LCN12: variants seen among roughly 807,000 people sequenced by gnomAD.
LCN12 encodes the protein epididymal-specific lipocalin-12.
Under a neutral mutation model 23.7 loss-of-function variants are expected in LCN12, and 15 were observed. The observed-to-expected ratio is 0.63, with a 90% CI of 0.42 to 0.97. LCN12 has a LOEUF of 0.97. Among genes scored for constraint, LCN12 ranks in the 50% least tolerant of loss-of-function variants. LCN12 has a pLI of 0.00. For synonymous variants in LCN12, 116 were observed against 111.5 expected (o/e 1.04, Z -0.25); for missense variants, 219 against 249.6 (o/e 0.88, Z 0.83).
At chr9:136,954,783 C>T (rs1442305898) in intron 5 of LCN12, 1 of 1,290,750 alleles carries the variant, frequency 7.7e-7, no homozygotes. Flanking sequence ...ACCACTCAGA[C>T]AGCCGCGGCC....
At chr9:136,955,028 A>G in intron 5 of LCN12, 3 of 1,383,416 alleles carry the variant, frequency 2.2e-6, no homozygotes, top group Non-Finnish European at 2.8e-6. Flanking sequence ...CTACCCGTGC[A>G]CAGGCACACG....
chr9:136,951,652 TA>T (rs1851154291), upstream of LCN12, among the ~76,000 whole-genome samples: 1 of 152,212 alleles, frequency 6.6e-6, no homozygotes, highest in African/African-American at 2.4e-5. Context: ...AGACTGCGTT[TA>T]AAATGCCCCA....
Position 136,953,041 on chromosome 9 carries a change from C to T in LCN12, c.251+13C>T. 6.2e-7 allele frequency: 1 copy of T among 1,613,306 alleles called. No individual in the cohort carries two copies. The highest frequency in any genetic ancestry group is 8.5e-7 in the Non-Finnish European group (1 of 1,179,854). ...ATGCGATGACTCGGTGAGTGGCTGT[C>T]CCTGCCGTTCCAAGCGGGTGAGGAG... On this transcript the variant is annotated intron_variant, in intron 2 of 5. Transcript: ENST00000371633.
upstream of LCN12, chr9:136,951,446 AGTCTC>A (rs1851149404): frequency 6.6e-6 from 1 of 152,190 alleles, no homozygotes; most frequent in African/African-American, 2.4e-5. Flanking sequence ...GTAGAGATGG[AGTCTC>A]GCTATGTTGT....
At chr9:136,953,987 G>A in intron 4 of LCN12, 23 bp downstream of exon 4, 1 of 1,603,676 alleles carries the variant, frequency 6.2e-7, no homozygotes, top group Non-Finnish European at 8.5e-7. Flanking sequence ...CCCCGTCCTG[G>A]GCCCGTGTGT....
chr9:136,952,781 C>A, intron 1 of LCN12, 111 bp from the exon 2 acceptor site: 2 of 1,301,838 alleles, frequency 1.5e-6, no homozygotes, highest in Non-Finnish European at 2.1e-6. Flanking sequence ...CAGCCAGGAG[C>A]ACTGCTCTGT....
upstream of LCN12, among the ~76,000 whole-genome samples, chr9:136,950,201 C>A (rs927482533): frequency 1.3e-5 from 2 of 152,208 alleles, no homozygotes; most frequent in Non-Finnish European, 2.9e-5. Flanking sequence ...GTCTGCCCCG[C>A]GGTGGGGGGA....
At chr9:136,953,358 GCACTTT>G in intron 2 of LCN12, 1 of 94,508 alleles carries the variant, frequency 1.1e-5, no homozygotes, top group Non-Finnish European at 1.9e-5. Flanking sequence ...TGTAATCCTA[GCACTTT>G]GGGGGCCGGG....
Position 136,954,269 on chromosome 9 carries a change from C to CCTGCAGGCATG in LCN12, c.550+18_550+28dup. 1.3e-6 allele frequency: 2 copies of CCTGCAGGCATG among 1,558,168 alleles called. No individual in the cohort carries two copies. The highest frequency in any genetic ancestry group is 1.7e-6 in the Non-Finnish European group (2 of 1,150,634). On this transcript the variant is annotated intron_variant, in intron 5 of 5. Transcript: ENST00000371633. Reference sequence around the variant, plus strand: ...CAGATGTGACTGGTAACATGGTTCACCTGCAGGCATGCTGGGCAGTAGGCA... The same window carrying CCTGCAGGCATG: ...CAGATGTGACTGGTAACATGGTTCACCTGCAGGCATGCTGCAGGCATGCTGGGCAGTAGGCA...
downstream of LCN12, chr9:136,955,638 ACT>A: frequency 5.9e-6 from 3 of 508,286 alleles, no homozygotes; most frequent in Non-Finnish European, 1.0e-5. Context: ...AGTGTGTGTG[ACT>A]CTGTCAGTGA....
Position 136,953,805 on chromosome 9 carries a change from CG to C in LCN12, c.331+30del, listed in dbSNP as rs567328691. The C allele has an allele frequency of 2.2e-4, 353 of 1,600,920 alleles. 2 individuals are homozygous for C. In the African/African-American group the frequency reaches 4.1e-3, roughly 19 times the overall value. On this transcript the variant is annotated intron_variant, in intron 3 of 5. Transcript: ENST00000371633. Reference sequence around the variant, plus strand: ...GTAAGCCAGTCACAGGAGGGAGGGACGGGGTGCTGGCCCACAGGGATGTGAC... The same window carrying C: ...GTAAGCCAGTCACAGGAGGGAGGGACGGGTGCTGGCCCACAGGGATGTGAC...
At chr9:136,949,388 C>CACAGGCAGGGCCG (rs1461084692), upstream of LCN12, among the ~76,000 whole-genome samples, 3 of 152,196 alleles carry the variant, frequency 2.0e-5, no homozygotes, top group East Asian at 1.9e-4. Flanking sequence ...CCCCTGGTCC[C>CACAGGCAGGGCCG]ACAGGCAGGG....
At chr9:136,952,134 T>C (rs1284019379), upstream of LCN12, among the ~76,000 whole-genome samples, 1 of 107,424 alleles carries the variant, frequency 9.3e-6, no homozygotes, top group Non-Finnish European at 2.2e-5. Flanking sequence ...GGTGGGTGGG[T>C]GGGACCTGAG....
chr9:136,953,674 C>G, intron 2 of LCN12, 26 bp from the exon 3 acceptor site: 1 of 1,521,386 alleles, frequency 6.6e-7, no homozygotes. Context: ...CCGGAGCCTT[C>G]CGCCTCCACC....
upstream of LCN12, chr9:136,949,443 C>G (rs1234465155): frequency 6.6e-6 from 1 of 152,192 alleles, no homozygotes; most frequent in Non-Finnish European, 1.5e-5. Context: ...CACGCAGGTG[C>G]TCAGAGGGAC....
intron 1 of LCN12, 183 bp from the exon 2 acceptor site, chr9:136,952,709 C>T (rs1030373036): frequency 2.9e-6 from 2 of 701,020 alleles, no homozygotes; most frequent in Admixed American, 5.8e-5. Context: ...TGGCCAGGGT[C>T]ACCATGTCCC....
In LCN12 at chr9:136,954,064, T is replaced by C; in HGVS notation, c.449-90T>C. 3.3e-6 allele frequency: 5 copies of C among 1,533,924 alleles called. No individual in the cohort carries two copies. The South Asian group carries it at 6.4e-5, about 19-fold the overall frequency. On this transcript the variant is annotated intron_variant, in intron 4 of 5. Coordinates refer to ENST00000371633, the MANE Select transcript of LCN12 (RefSeq NM_178536.4). ...GCCTCCCCACCCCGCCTGGAGTGAC[T>C]TGGGGGTACAGATAGTTCAATCTCC... is the stretch of plus-strand genomic sequence containing the variant.
upstream of LCN12, among the ~76,000 whole-genome samples, chr9:136,950,320 C>T (rs1482048840): frequency 6.6e-6 from 1 of 152,208 alleles, no homozygotes; most frequent in Non-Finnish European, 1.5e-5. Flanking sequence ...CACACAGACC[C>T]CCCAGGGCGG....
chr9:136,951,421 CTT>C (rs1033037462), upstream of LCN12: 1 of 152,240 alleles, frequency 6.6e-6, no homozygotes, highest in Non-Finnish European at 1.5e-5. Context: ...CCCCAGCTAA[CTT>C]TTAAATTTTT....
Sources: allele counts gnomAD v4.1 joint callset (sites outside exome capture counted in the v4.1 genomes callset), GRCh38; gene constraint gnomAD v4.1.1; transcripts MANE v1.5; gene names NCBI Gene and HGNC (gene_info 2026-07-23, HGNC 2026-07-21).